NELL1: variants seen among roughly 807,000 people sequenced by gnomAD.
NELL1 encodes neural EGFL like 1.
In NELL1, 76 loss-of-function variants were observed where a neutral mutation model predicts 107.4. The observed-to-expected ratio is 0.71, with a 90% confidence interval of 0.59 to 0.86. The LOEUF is 0.86. Among genes scored for constraint, NELL1 ranks in the 40% least tolerant of loss-of-function variants. The probability of loss-of-function intolerance (pLI) is 0.00; values close to 1 mark genes in which losing one functional copy is unlikely to be tolerated. For missense variants in NELL1, 1,024 were observed against 1,005.5 expected, an observed-to-expected ratio of 1.02 and a Z score of -0.25; for synonymous variants, 353 against 341.2, an observed-to-expected ratio of 1.03 and a Z score of -0.38.
intron 4 of NELL1, among the ~76,000 whole-genome samples, chr11:20,856,198 A>G (rs1431382295): frequency 3.3e-5 from 5 of 152,170 alleles, no homozygotes; most frequent in African/African-American, 9.7e-5. Flanking sequence ...AATCTAGGTG[A>G]CTTTTCTCTC....
chr11:21,013,229 C>G (rs1216601838), intron 12 of NELL1, among the ~76,000 whole-genome samples: 1 of 152,116 alleles, frequency 6.6e-6, no homozygotes, highest in Non-Finnish European at 1.5e-5. Context: ...GCAATTTCAT[C>G]GTGGCCCTCT....
intron 15 of NELL1, among the ~76,000 whole-genome samples, chr11:21,450,014 A>G (rs1416202088): frequency 2.0e-5 from 3 of 152,156 alleles, no homozygotes; most frequent in Non-Finnish European, 2.9e-5. Context: ...AAATTATTTC[A>G]TTCTTTTGAA....
chr11:20,941,122 G>C (rs1396361861), intron 10 of NELL1, among the ~76,000 whole-genome samples: 1 of 152,128 alleles, frequency 6.6e-6, no homozygotes, highest in African/African-American at 2.4e-5. Context: ...CTGGGCGACA[G>C]AGTGAGACGC....
chr11:21,539,744 G>A lies in NELL1; in HGVS notation c.1786+5230G>A, dbSNP rs538873122. 1.9e-4 allele frequency among the ~76,000 whole-genome samples: 29 copies of A among 151,510 alleles called. No homozygotes were observed. In the South Asian group the frequency reaches 5.8e-3, roughly 31 times the overall value. On this transcript the variant is annotated intron_variant, in intron 16 of 19. Transcript: ENST00000357134. ...ACAGGATACCCATAGATAGCCCATA[G>A]GGTGTACAGAATCCTGGGTACAGGA...
intron 13 of NELL1, among the ~76,000 whole-genome samples, chr11:21,183,913 T>C (rs1214361182): frequency 1.3e-5 from 2 of 151,738 alleles, no homozygotes; most frequent in Non-Finnish European, 2.9e-5. Flanking sequence ...AGGAAAAAAA[T>C]CTGCGTTTCC....
At chr11:20,959,853 C>G (rs1372798951) in intron 11 of NELL1, among the ~76,000 whole-genome samples, 1 of 152,108 alleles carries the variant, frequency 6.6e-6, no homozygotes, top group Non-Finnish European at 1.5e-5. Flanking sequence ...AAGATATATA[C>G]AGTAAGATTT....
chr11:21,429,113 A>T (rs1852906516), intron 15 of NELL1, among the ~76,000 whole-genome samples: 1 of 152,192 alleles, frequency 6.6e-6, no homozygotes, highest in African/African-American at 2.4e-5. Context: ...TTAAGGCACT[A>T]ATGTGAATTC....
At chr11:21,072,206 C>A (rs1394526173) in intron 12 of NELL1, among the ~76,000 whole-genome samples, 1 of 152,084 alleles carries the variant, frequency 6.6e-6, no homozygotes. Context: ...TTGCTAATAG[C>A]CAAATGGCAT....
At chr11:21,497,212 C>A (rs1402159309) in intron 15 of NELL1, among the ~76,000 whole-genome samples, 2 of 151,204 alleles carry the variant, frequency 1.3e-5, no homozygotes, top group Non-Finnish European at 2.9e-5. Context: ...ATGTAAATGA[C>A]GAGTTAATGG....
intron 2 of NELL1, among the ~76,000 whole-genome samples, chr11:20,758,036 C>T: frequency 6.6e-6 from 1 of 152,162 alleles, no homozygotes; most frequent in South Asian, 2.1e-4. Context: ...AGAGAGGGGC[C>T]AAGCTCCCTG....
chr11:20,913,056 G>A (rs1850166954), intron 5 of NELL1, among the ~76,000 whole-genome samples: 1 of 152,060 alleles, frequency 6.6e-6, no homozygotes, highest in Non-Finnish European at 1.5e-5. Context: ...TTTGCATGCT[G>A]GAATATTTTA....
intron 13 of NELL1, among the ~76,000 whole-genome samples, chr11:21,187,976 C>G (rs775282657): frequency 3.3e-5 from 5 of 151,770 alleles, no homozygotes; most frequent in Non-Finnish European, 7.3e-5. Flanking sequence ...ATTGATGATA[C>G]CTGTTTCAAA....
At chr11:20,873,184 G>A (rs1849237262) in intron 4 of NELL1, among the ~76,000 whole-genome samples, 1 of 152,282 alleles carries the variant, frequency 6.6e-6, no homozygotes, top group Admixed American at 6.5e-5. Context: ...AACACTAGGA[G>A]CAGCACATTT....
chr11:21,447,876 G>A (rs1354230862), intron 15 of NELL1, among the ~76,000 whole-genome samples: 1 of 152,132 alleles, frequency 6.6e-6, no homozygotes, highest in Admixed American at 6.5e-5. Flanking sequence ...GAGCACTGTA[G>A]CCTGCAGTGC....
chr11:20,847,585 A>G lies in NELL1; in HGVS notation c.338A>G (p.Tyr113Cys). Residue 113 changes from tyrosine (Y) to cysteine (C), a missense_variant and splice_region_variant, in exon 4 of 20, where the codon TAT becomes TGT. By Grantham distance (194) the Tyr-to-Cys change is radical (BLOSUM62 -2). Coordinates refer to ENST00000357134, the MANE Select transcript of NELL1 (RefSeq NM_006157.5). ...ILSIRELEHS[Y>C]FELESSGLRD... Reference sequence around the variant, plus strand: ...AATGTTTGTTCCTTTACATACAGCTATTTTGAACTGGAGAGCAGTGGCCTG... The same window carrying G: ...AATGTTTGTTCCTTTACATACAGCTGTTTTGAACTGGAGAGCAGTGGCCTG... The G allele has an allele frequency of 6.2e-7, 1 of 1,612,230 alleles. No individual in the cohort carries two copies. Among genetic ancestry groups the G allele is most frequent in the Non-Finnish European group, 8.5e-7 (1 of 1,179,264 alleles).
At chr11:21,454,374 T>A (rs988222099) in intron 15 of NELL1, among the ~76,000 whole-genome samples, 2 of 151,940 alleles carry the variant, frequency 1.3e-5, no homozygotes, top group South Asian at 2.1e-4. Flanking sequence ...TTGTGAATAA[T>A]GCCGCAATAA....
chr11:21,421,313 A>G (rs764771508), intron 15 of NELL1, among the ~76,000 whole-genome samples: 12 of 152,152 alleles, frequency 7.9e-5, no homozygotes, highest in Non-Finnish European at 1.8e-4. Flanking sequence ...TGCAGTGTCC[A>G]GGGGAAGCCT....
chr11:20,951,238 C>A (rs919900901), intron 11 of NELL1, among the ~76,000 whole-genome samples: 2 of 152,132 alleles, frequency 1.3e-5, no homozygotes, highest in Non-Finnish European at 2.9e-5. Context: ...AAGGTTAAAA[C>A]CCATTTTTCT....
chr11:21,483,542 C>T (rs189957751), intron 15 of NELL1, among the ~76,000 whole-genome samples: 47 of 152,020 alleles, frequency 3.1e-4, no homozygotes, highest in South Asian at 1.5e-3. Flanking sequence ...TTATCCTGTT[C>T]GTTTAGCAAT....
Sources: allele counts gnomAD v4.1 joint callset (sites outside exome capture counted in the v4.1 genomes callset), GRCh38; gene constraint gnomAD v4.1.1; transcripts MANE v1.5; gene names NCBI Gene and HGNC (gene_info 2026-07-23, HGNC 2026-07-21).